UGGT2: variants seen among roughly 807,000 people sequenced by gnomAD.
UGGT2 encodes UDP-glucose:glycoprotein glucosyltransferase 2.
A neutral mutation model predicts 192.1 loss-of-function variants in UGGT2; 180 were observed. The observed-to-expected ratio is 0.94, with a 90% CI of 0.83 to 1.06. The LOEUF (loss-of-function observed/expected upper bound fraction) is 1.06, where lower values mean the gene tolerates loss of function less well. Among genes scored for constraint, UGGT2 ranks in the 50% least tolerant of loss-of-function variants. The probability of loss-of-function intolerance (pLI) is 0.00; values close to 1 mark genes in which losing one functional copy is unlikely to be tolerated. For synonymous variants in UGGT2, 580 were observed against 591.0 expected (o/e 0.98, Z 0.27); for missense variants, 1,849 against 1,795.7 (o/e 1.03, Z -0.54).
At chr13:95,928,407 T>C (rs1159995185) in intron 17 of UGGT2, among the ~76,000 whole-genome samples, 1 of 149,448 alleles carries the variant, frequency 6.7e-6, no homozygotes, top group East Asian at 2.0e-4. Context: ...ACGGGGCGGC[T>C]GCCGGGCGGA....
At chr13:95,845,679 T>C (rs1888341782) in intron 36 of UGGT2, among the ~76,000 whole-genome samples, 1 of 152,142 alleles carries the variant, frequency 6.6e-6, no homozygotes. Flanking sequence ...CAATGAGCTG[T>C]TGGGTACACC....
chr13:95,907,051 G>C (rs2048314828), intron 20 of UGGT2, among the ~76,000 whole-genome samples: 1 of 152,196 alleles, frequency 6.6e-6, no homozygotes, highest in African/African-American at 2.4e-5. Context: ...GGACACTTCT[G>C]CCCAAATACT....
chr13:95,833,696 A>T (rs959531557), intron 37 of UGGT2, among the ~76,000 whole-genome samples: 1 of 152,184 alleles, frequency 6.6e-6, no homozygotes, highest in African/African-American at 2.4e-5. Context: ...AGCTGAAAGG[A>T]TCTGCTGATA....
chr13:95,845,333 A>C (rs540147530), intron 36 of UGGT2, among the ~76,000 whole-genome samples: 1,799 of 135,112 alleles, frequency 0.013, 22 homozygotes, highest in Non-Finnish European at 0.021. Context: ...CGCCTTCCGC[A>C]GTGTTTGTGT....
chr13:95,851,555 A>C (rs1318774882), intron 36 of UGGT2, among the ~76,000 whole-genome samples: 1 of 152,202 alleles, frequency 6.6e-6, no homozygotes, highest in Non-Finnish European at 1.5e-5. Context: ...AAGGTCTGAC[A>C]TAGAAGCCAA....
At chr13:95,826,958 A>C (rs913914270) in intron 38 of UGGT2, among the ~76,000 whole-genome samples, 2 of 152,194 alleles carry the variant, frequency 1.3e-5, no homozygotes, top group Non-Finnish European at 2.9e-5. Flanking sequence ...TAAGTCCTTA[A>C]TAATTAAAGT....
In UGGT2 at chr13:95,853,676, T is replaced by C; in HGVS notation, c.4170-19A>G. On this transcript the variant is annotated intron_variant, in intron 35 of 38. Coordinates refer to ENST00000376747, the MANE Select transcript of UGGT2 (RefSeq NM_020121.4). Reference sequence around the variant, plus strand: ...TAAAGCACTGCAAAAATGAATTACTTCTTGATAGCCTATGTTGTTTATGTA... The same window carrying C: ...TAAAGCACTGCAAAAATGAATTACTCCTTGATAGCCTATGTTGTTTATGTA... 6.6e-7 allele frequency: 1 copy of C among 1,510,632 alleles called. No homozygotes were observed. Among genetic ancestry groups the C allele is most frequent in the Non-Finnish European group, 8.9e-7 (1 of 1,127,640 alleles). 93.6% of individuals were successfully genotyped at this position (1,510,632 alleles called of 1,614,324 possible).
intron 20 of UGGT2, among the ~76,000 whole-genome samples, chr13:95,918,399 T>C (rs888749508): frequency 6.6e-6 from 1 of 152,152 alleles, no homozygotes; most frequent in South Asian, 2.1e-4. Flanking sequence ...AAAAAATTTA[T>C]AGCACTAAAT....
intron 38 of UGGT2, among the ~76,000 whole-genome samples, chr13:95,802,358 A>G (rs1295222623): frequency 1.3e-5 from 2 of 152,228 alleles, no homozygotes; most frequent in Admixed American, 1.3e-4. Context: ...CAACTGATGT[A>G]AATCACTGAG....
At chr13:95,898,965 T>C (rs1025207565) in intron 22 of UGGT2, among the ~76,000 whole-genome samples, 1 of 152,180 alleles carries the variant, frequency 6.6e-6, no homozygotes, top group Non-Finnish European at 1.5e-5. Flanking sequence ...TCAAAACCCA[T>C]GTGTTGAAAC....
chr13:95,888,009 T>C (rs184018960), intron 25 of UGGT2, 38 bp from the exon 26 acceptor site: 5 of 1,321,850 alleles, frequency 3.8e-6, no homozygotes, highest in South Asian at 1.3e-5. Flanking sequence ...TATTAAATAA[T>C]ATTAATAGCT....
chr13:95,948,703 C>A (rs1201822342), intron 13 of UGGT2, among the ~76,000 whole-genome samples: 7 of 152,082 alleles, frequency 4.6e-5, no homozygotes, highest in Admixed American at 4.6e-4. Flanking sequence ...AGAAAAAGTT[C>A]TGTCATAAAT....
chr13:95,852,236 T>G (rs1889122837), intron 36 of UGGT2, among the ~76,000 whole-genome samples: 1 of 152,126 alleles, frequency 6.6e-6, no homozygotes, highest in East Asian at 1.9e-4. Context: ...TTTACTTTAT[T>G]CCCCCCATCT....
At chr13:95,975,680 G>A (rs901763583) in intron 10 of UGGT2, among the ~76,000 whole-genome samples, 2 of 152,096 alleles carry the variant, frequency 1.3e-5, no homozygotes, top group Non-Finnish European at 2.9e-5. Flanking sequence ...GCTATTACCT[G>A]AAGCTAAAGA....
intron 1 of UGGT2, among the ~76,000 whole-genome samples, chr13:96,032,988 C>A (rs942451953): frequency 1.3e-5 from 2 of 152,176 alleles, no homozygotes; most frequent in East Asian, 3.9e-4. Context: ...TACTGTGCAA[C>A]CACAGGTAAA....
chr13:96,034,473 A>C (rs983512522), intron 1 of UGGT2, among the ~76,000 whole-genome samples: 13 of 152,182 alleles, frequency 8.5e-5, no homozygotes, highest in African/African-American at 3.1e-4. Flanking sequence ...AGAACTTGGA[A>C]CTCACCAAAT....
At chr13:95,892,625 T>G (rs1215158338) in intron 24 of UGGT2, among the ~76,000 whole-genome samples, 1 of 152,204 alleles carries the variant, frequency 6.6e-6, no homozygotes, top group Non-Finnish European at 1.5e-5. Flanking sequence ...TTTGTTATGA[T>G]ACTGTTAACC....
chr13:96,044,955 C>T (rs12428062), intron 1 of UGGT2, among the ~76,000 whole-genome samples: 16,843 of 152,068 alleles, frequency 0.11, 1,060 homozygotes, highest in Middle Eastern at 0.19. Flanking sequence ...CACTATTCCA[C>T]GAGACAGAAA....
At chr13:95,893,066 G>A (rs1161894053) in intron 24 of UGGT2, among the ~76,000 whole-genome samples, 1 of 151,914 alleles carries the variant, frequency 6.6e-6, no homozygotes, top group African/African-American at 2.4e-5. Context: ...TCAGGGCTGG[G>A]GAAAAAATAT....
Sources: allele counts gnomAD v4.1 joint callset (sites outside exome capture counted in the v4.1 genomes callset), GRCh38; gene constraint gnomAD v4.1.1; transcripts MANE v1.5; gene names NCBI Gene and HGNC (gene_info 2026-07-23, HGNC 2026-07-21).